Variants in EYS observed in about 807,000 individuals in gnomAD.
EYS encodes the protein EGF-like photoreceptor maintenance factor.
A neutral mutation model predicts 282.1 loss-of-function variants in EYS; 250 were observed. That is an observed-to-expected ratio of 0.89 (90% CI 0.80 to 0.98). EYS has a LOEUF of 0.98. Among genes scored for constraint, EYS ranks in the 50% least tolerant of loss-of-function variants. The pLI is 0.00. For missense variants in EYS, 4,016 were observed against 3,709.0 expected, an observed-to-expected ratio of 1.08 and a Z score of -2.15; for synonymous variants, 1,355 against 1,282.9, an observed-to-expected ratio of 1.06 and a Z score of -1.20.
chr6:64,092,370 A>G (rs558950994), intron 31 of EYS, among the ~76,000 whole-genome samples: 2 of 152,340 alleles, frequency 1.3e-5, no homozygotes, highest in African/African-American at 2.4e-5. Flanking sequence ...TCCCACCAAC[A>G]GAGTAAAAGT....
Position 64,997,584 on chromosome 6 carries a change from G to C in EYS, c.2257C>G (p.Leu753Val). The C allele has an allele frequency of 6.4e-7, 1 of 1,550,904 alleles. No homozygotes were observed. The highest frequency in any genetic ancestry group is 1.2e-5 in the South Asian group (1 of 83,994). Reference sequence around the variant, plus strand: ...ATAAAAAGCCAGTGGATACTAACGAGATGCAGGTCTTTGCAGGTAGAATTG... The same window carrying C: ...ATAAAAAGCCAGTGGATACTAACGACATGCAGGTCTTTGCAGGTAGAATTG... ...EHNSTCKDLHLSYQCVCLSDW... is the reference protein window; with the variant it reads ...EHNSTCKDLHVSYQCVCLSDW... Residue 753 changes from leucine to valine, a missense_variant and splice_region_variant, in exon 14 of 43, where the codon CTC (leucine) becomes GTC (valine). Leu to Val is a conservative substitution (Grantham distance 32). Transcript: ENST00000503581.
In EYS at chr6:65,681,617, A is replaced by G. The variant is rs541012702; in HGVS notation, c.-448+25518T>C. Among the ~76,000 whole-genome samples, 18 of 152,036 alleles carry G rather than the reference A, an allele frequency of 1.2e-4. No individual in the cohort carries two copies. The South Asian group carries it at 3.7e-3, about 32-fold the overall frequency. On this transcript the variant is annotated intron_variant, in intron 1 of 42. Coordinates refer to ENST00000503581, the MANE Select transcript of EYS (RefSeq NM_001142800.2). ...ACAATGTGTTTTATGCTAGCAGAAG[A>G]CATGAGACTCCTGGGCCAGAGACAA...
At chr6:63,790,420 C>T (rs1297395547) in intron 37 of EYS, among the ~76,000 whole-genome samples, 1 of 152,030 alleles carries the variant, frequency 6.6e-6, no homozygotes, top group Non-Finnish European at 1.5e-5. Context: ...TGCCATGGGC[C>T]CTGAGCAGGG....
At chr6:65,638,300 T>C (rs1767160229) in intron 2 of EYS, among the ~76,000 whole-genome samples, 2 of 152,122 alleles carry the variant, frequency 1.3e-5, no homozygotes, top group East Asian at 3.9e-4. Flanking sequence ...TTGCTCACCC[T>C]CCAGTTGTCC....
intron 33 of EYS, among the ~76,000 whole-genome samples, chr6:64,004,766 C>T (rs576991918): frequency 9.2e-5 from 14 of 152,320 alleles, no homozygotes; most frequent in Admixed American, 5.9e-4. Flanking sequence ...TGGCCTCCAA[C>T]TCCATCCATT....
At chr6:64,729,217 C>A (rs1771871443) in intron 22 of EYS, among the ~76,000 whole-genome samples, 1 of 152,250 alleles carries the variant, frequency 6.6e-6, no homozygotes, top group Non-Finnish European at 1.5e-5. Flanking sequence ...CCCTCTTCTG[C>A]CCAGAATTTC....
intron 5 of EYS, among the ~76,000 whole-genome samples, chr6:65,436,441 A>G (rs1768077824): frequency 6.6e-6 from 1 of 152,132 alleles, no homozygotes; most frequent in African/African-American, 2.4e-5. Context: ...ACTCGGCCAG[A>G]GCAATGTGAC....
chr6:63,898,736 G>A (rs879387983), intron 35 of EYS, among the ~76,000 whole-genome samples: 6 of 151,924 alleles, frequency 3.9e-5, no homozygotes, highest in Non-Finnish European at 7.4e-5. Flanking sequence ...AATATCACTC[G>A]AATGATGAAT....
chr6:65,648,160 C>T (rs561749400), intron 1 of EYS, among the ~76,000 whole-genome samples: 27 of 152,140 alleles, frequency 1.8e-4, no homozygotes, highest in Admixed American at 9.8e-4. Flanking sequence ...CATTTGATCA[C>T]GCAATTCCAT....
At chr6:64,963,543 T>C (rs1203005210) in intron 14 of EYS, among the ~76,000 whole-genome samples, 1 of 152,134 alleles carries the variant, frequency 6.6e-6, no homozygotes, top group African/African-American at 2.4e-5. Context: ...CACCAAAAGA[T>C]AGAGAACAGA....
At chr6:63,895,300 G>A (rs938152343) in intron 35 of EYS, among the ~76,000 whole-genome samples, 3 of 151,898 alleles carry the variant, frequency 2.0e-5, no homozygotes, top group Non-Finnish European at 4.4e-5. Context: ...CTATAATATA[G>A]TATTAATTAC....
intron 5 of EYS, among the ~76,000 whole-genome samples, chr6:65,471,337 T>C (rs941482409): frequency 2.6e-5 from 4 of 151,664 alleles, no homozygotes; most frequent in African/African-American, 9.7e-5. Flanking sequence ...TTGAGGCTGC[T>C]GTGGGTTGAG....
At position 65,057,595 on chromosome 6, in the gene EYS, A is replaced by G; in HGVS notation, c.2137+19T>C. ...AAGTTAATTATGTTTGCTTTTCCTTATCCCTTGGTGTTCATTACCTTTAAA... is the reference window on the plus strand; with the variant it reads ...AAGTTAATTATGTTTGCTTTTCCTTGTCCCTTGGTGTTCATTACCTTTAAA... On this transcript the variant is annotated intron_variant, in intron 13 of 42. Coordinates refer to ENST00000503581, the MANE Select transcript of EYS (RefSeq NM_001142800.2). The G allele has an allele frequency of 7.1e-7, 1 of 1,403,964 alleles. No individual in the cohort carries two copies. The highest frequency in any genetic ancestry group is 9.9e-7 in the Non-Finnish European group (1 of 1,012,320). The allele number at this position is 1,403,964 out of a possible 1,614,324, so 87.0% of individuals were successfully genotyped here.
At chr6:63,779,922 A>T (rs1161245556) in intron 39 of EYS, among the ~76,000 whole-genome samples, 1 of 151,998 alleles carries the variant, frequency 6.6e-6, no homozygotes, top group Non-Finnish European at 1.5e-5. Context: ...GACAGGCCCC[A>T]GTGTGTGATG....
chr6:65,616,857 G>C (rs745650212), intron 2 of EYS, among the ~76,000 whole-genome samples: 3 of 151,688 alleles, frequency 2.0e-5, no homozygotes, highest in Non-Finnish European at 2.9e-5. Context: ...ATATATCTTA[G>C]TTCAATATTT....
chr6:65,399,763 G>C (rs1198111283), intron 7 of EYS, among the ~76,000 whole-genome samples: 2 of 151,974 alleles, frequency 1.3e-5, no homozygotes, highest in Non-Finnish European at 2.9e-5. Flanking sequence ...CCAATGCAGG[G>C]AATTATTGGC....
intron 41 of EYS, among the ~76,000 whole-genome samples, chr6:63,739,199 C>T (rs1458509649): frequency 1.3e-5 from 2 of 152,060 alleles, no homozygotes; most frequent in African/African-American, 4.8e-5. Context: ...CAAGCTGGTT[C>T]CTGTGTCCTC....
chr6:64,115,761 C>G (rs772334592), intron 31 of EYS, among the ~76,000 whole-genome samples: 2 of 152,104 alleles, frequency 1.3e-5, no homozygotes, highest in Non-Finnish European at 2.9e-5. Flanking sequence ...AACATTAACT[C>G]AAGATGATAA....
At chr6:65,535,431 C>T (rs895361182) in intron 2 of EYS, among the ~76,000 whole-genome samples, 1 of 152,006 alleles carries the variant, frequency 6.6e-6, no homozygotes, top group African/African-American at 2.4e-5. Flanking sequence ...ATGGGAGTTC[C>T]CCTGCACAAG....
Sources: gnomAD v4.1 joint callset for allele counts (sites outside exome capture counted in the v4.1 genomes callset) on GRCh38, gnomAD v4.1.1 for gene constraint, MANE v1.5 for transcripts, NCBI Gene and HGNC (gene_info 2026-07-23, HGNC 2026-07-21) for gene names.